Variants in KIF6 observed in about 807,000 individuals in gnomAD.
KIF6 encodes kinesin-like protein KIF6.
Under a neutral mutation model 112.7 loss-of-function variants are expected in KIF6, and 106 were observed. The observed-to-expected ratio is 0.94, with a 90% CI of 0.80 to 1.11. The LOEUF (loss-of-function observed/expected upper bound fraction) is 1.11, where lower values mean the gene tolerates loss of function less well. KIF6 is among the 50% of genes least tolerant of loss of function. KIF6 has a pLI of 0.00. For synonymous variants in KIF6, 339 were observed against 339.9 expected (o/e 1.00, Z 0.03); for missense variants, 929 against 964.0 (o/e 0.96, Z 0.48).
At chr6:39,699,277 TG>T (rs1382190310) in intron 3 of KIF6, among the ~76,000 whole-genome samples, 1 of 152,064 alleles carries the variant, frequency 6.6e-6, no homozygotes. Flanking sequence ...GGGGCAGAGA[TG>T]GGCTGCAGTT....
chr6:39,379,825 C>A (rs78734452), intron 16 of KIF6, among the ~76,000 whole-genome samples: 2,720 of 152,320 alleles, frequency 0.018, 91 homozygotes, highest in African/African-American at 0.062. Context: ...AGCGTGATGG[C>A]TGGAACACTG....
chr6:39,417,655 T>A (rs1205545987), intron 15 of KIF6, among the ~76,000 whole-genome samples: 3 of 152,128 alleles, frequency 2.0e-5, no homozygotes, highest in Non-Finnish European at 4.4e-5. Context: ...TGCCTAATCT[T>A]CAGAATGTGG....
chr6:39,550,623 G>A (rs1160459947), intron 10 of KIF6, among the ~76,000 whole-genome samples: 2 of 152,222 alleles, frequency 1.3e-5, no homozygotes, highest in East Asian at 3.8e-4. Context: ...GTATTCCAGA[G>A]CTGATGGTTC....
chr6:39,437,429 A>G (rs1771600054), intron 13 of KIF6, among the ~76,000 whole-genome samples: 1 of 152,242 alleles, frequency 6.6e-6, no homozygotes, highest in Non-Finnish European at 1.5e-5. Context: ...AGAGCACTAT[A>G]GCATATTTGG....
chr6:39,639,563 T>G (rs1784800342), intron 4 of KIF6, 47 bp downstream of exon 4: 1 of 1,424,796 alleles, frequency 7.0e-7, no homozygotes, highest in Non-Finnish European at 9.4e-7. Context: ...AGTATATTTT[T>G]GCTGAATATA....
chr6:39,688,162 G>A (rs1373053647), intron 3 of KIF6, among the ~76,000 whole-genome samples: 1 of 152,130 alleles, frequency 6.6e-6, no homozygotes, highest in Non-Finnish European at 1.5e-5. Flanking sequence ...AATGCAAGGG[G>A]GAAACATATT....
chr6:39,718,730 T>C (rs1790024396), intron 2 of KIF6, among the ~76,000 whole-genome samples: 1 of 145,012 alleles, frequency 6.9e-6, no homozygotes, highest in Non-Finnish European at 1.5e-5. Flanking sequence ...AGTGAGAACC[T>C]GTCTTAGAAA....
At chr6:39,548,452 C>A (rs1378677880) in intron 10 of KIF6, among the ~76,000 whole-genome samples, 2 of 152,186 alleles carry the variant, frequency 1.3e-5, no homozygotes, top group East Asian at 3.9e-4. Context: ...CTTGATTAGT[C>A]TAGTACATAA....
chr6:39,656,714 C>T (rs1225275649), intron 3 of KIF6, among the ~76,000 whole-genome samples: 1 of 152,194 alleles, frequency 6.6e-6, no homozygotes, highest in Non-Finnish European at 1.5e-5. Flanking sequence ...CTCCATTCTT[C>T]TGCCCCAACC....
intron 3 of KIF6, among the ~76,000 whole-genome samples, chr6:39,658,435 G>A (rs888563941): frequency 1.3e-5 from 2 of 152,044 alleles, no homozygotes; most frequent in Non-Finnish European, 2.9e-5. Flanking sequence ...AAGGAAGTAC[G>A]AGATTTTTAA....
At chr6:39,485,509 C>T (rs1775058457) in intron 13 of KIF6, among the ~76,000 whole-genome samples, 1 of 152,094 alleles carries the variant, frequency 6.6e-6, no homozygotes, top group Non-Finnish European at 1.5e-5. Context: ...TAACTTTGAT[C>T]CCCAGCACTT....
intron 13 of KIF6, among the ~76,000 whole-genome samples, chr6:39,483,943 T>C (rs934809296): frequency 6.6e-6 from 1 of 152,144 alleles, no homozygotes; most frequent in Non-Finnish European, 1.5e-5. Flanking sequence ...CAAAAATCAA[T>C]CAGCCATATT....
At chr6:39,590,967 A>G (rs1464997958) in intron 7 of KIF6, among the ~76,000 whole-genome samples, 1 of 152,230 alleles carries the variant, frequency 6.6e-6, no homozygotes, top group Non-Finnish European at 1.5e-5. Flanking sequence ...ATGTGGTAGA[A>G]GTCAGTCTCT....
intron 13 of KIF6, among the ~76,000 whole-genome samples, chr6:39,452,908 C>T (rs2150410135): frequency 6.6e-6 from 1 of 152,354 alleles, no homozygotes; most frequent in East Asian, 1.9e-4. Flanking sequence ...CTTGGACATT[C>T]TCCCCTCCCA....
intron 10 of KIF6, among the ~76,000 whole-genome samples, chr6:39,563,486 A>G (rs1050687158): frequency 1.3e-5 from 2 of 152,238 alleles, no homozygotes; most frequent in African/African-American, 4.8e-5. Context: ...AGATACATGT[A>G]TATATATGTA....
chr6:39,410,908 T>C (rs945991261), intron 15 of KIF6, among the ~76,000 whole-genome samples: 22 of 152,342 alleles, frequency 1.4e-4, no homozygotes, highest in African/African-American at 5.1e-4. Context: ...GACCACTTTC[T>C]GACATACAAG....
At chr6:39,410,357 C>T (rs527753958) in intron 15 of KIF6, among the ~76,000 whole-genome samples, 1 of 152,174 alleles carries the variant, frequency 6.6e-6, no homozygotes, top group Non-Finnish European at 1.5e-5. Context: ...CATTTTAAGG[C>T]ATTTCATTAA....
intron 13 of KIF6, among the ~76,000 whole-genome samples, chr6:39,455,112 A>G (rs1364042429): frequency 1.3e-5 from 2 of 152,114 alleles, no homozygotes; most frequent in Non-Finnish European, 2.9e-5. Flanking sequence ...GCAGACTTAA[A>G]TGTCCCTGTC....
At chr6:39,366,159 A>G (rs749517681) in intron 16 of KIF6, among the ~76,000 whole-genome samples, 4 of 152,194 alleles carry the variant, frequency 2.6e-5, no homozygotes, top group African/African-American at 9.7e-5. Context: ...GCACAGAATG[A>G]TAACATCAAC....
Sources: gnomAD v4.1 joint callset for allele counts (sites outside exome capture counted in the v4.1 genomes callset) on GRCh38, gnomAD v4.1.1 for gene constraint, MANE v1.5 for transcripts, NCBI Gene and HGNC (gene_info 2026-07-23, HGNC 2026-07-21) for gene names.